LRRC9: variants seen among roughly 807,000 people sequenced by gnomAD.
LRRC9 encodes leucine rich repeat containing 9.
LRRC9 carries 122 observed loss-of-function variants against 63.2 expected under a neutral mutation model. The ratio of observed to expected loss-of-function variants is 1.93; its 90% confidence interval spans 1.67 to 2.24. The LOEUF is 2.24. LRRC9 is among the 30% of genes most tolerant of loss of function. LRRC9 has a pLI of 0.00. For missense variants in LRRC9, 1,071 were observed against 627.7 expected (o/e 1.71, Z -7.55); for synonymous variants, 366 against 213.1 (o/e 1.72, Z -6.25).
At chr14:59,995,704 T>C (rs1316233433) in intron 17 of LRRC9, among the ~76,000 whole-genome samples, 1 of 150,100 alleles carries the variant, frequency 6.7e-6, no homozygotes, top group Non-Finnish European at 1.5e-5. Context: ...CCCCCTGTTT[T>C]CAAGGGGTGG....
At chr14:60,002,376 G>T (rs145776835) in intron 20 of LRRC9, among the ~76,000 whole-genome samples, 1 of 152,230 alleles carries the variant, frequency 6.6e-6, no homozygotes, top group African/African-American at 2.4e-5. Context: ...TATTCGTCTT[G>T]CATAACTGAA....
At chr14:59,999,486 C>T (rs1714041060) in intron 19 of LRRC9, among the ~76,000 whole-genome samples, 1 of 152,078 alleles carries the variant, frequency 6.6e-6, no homozygotes, top group African/African-American at 2.4e-5. Context: ...TTACCAGTCA[C>T]CTGAACTCAC....
rs547808916 is a variant in LRRC9, at chr14:60,017,643, G to C, written c.3318-728G>C. Reference sequence around the variant, plus strand: ...TTTCCAAACACATCCGCTGCACTTAGGAAATACTAATGGAAATATGTTGAC... The same window carrying C: ...TTTCCAAACACATCCGCTGCACTTACGAAATACTAATGGAAATATGTTGAC... On this transcript the variant is annotated intron_variant, in intron 24 of 31. Coordinates refer to ENST00000445360, the Ensembl canonical transcript of LRRC9. The surrounding 1 kb of genome is among the most constrained non-coding windows in gnomAD (Gnocchi z 4.0). 2.0e-5 allele frequency among the ~76,000 whole-genome samples: 3 copies of C among 151,982 alleles called. No homozygotes were observed. The highest frequency in any genetic ancestry group is 4.4e-5 in the Non-Finnish European group (3 of 67,962).
intron 22 of LRRC9, 136 bp downstream of exon 22, chr14:60,006,753 T>C (rs1889839486): frequency 5.6e-6 from 3 of 536,712 alleles, no homozygotes; most frequent in South Asian, 5.4e-5. Flanking sequence ...TTTATTAAAA[T>C]GTATTTGCAT....
intron 17 of LRRC9, among the ~76,000 whole-genome samples, chr14:59,995,846 G>A (rs751269465): frequency 6.6e-6 from 1 of 152,038 alleles, no homozygotes; most frequent in African/African-American, 2.4e-5. Context: ...GGGTTCAAGC[G>A]ATTCTTCTGC....
intron 19 of LRRC9, among the ~76,000 whole-genome samples, chr14:60,001,010 A>G (rs1889309699): frequency 6.6e-6 from 1 of 152,184 alleles, no homozygotes; most frequent in Non-Finnish European, 1.5e-5. Flanking sequence ...ATTCAAGAAA[A>G]TGAACATTAA....
chr14:59,946,254 T>C (rs1281079950), intron 8 of LRRC9, among the ~76,000 whole-genome samples: 3 of 151,010 alleles, frequency 2.0e-5, no homozygotes, highest in Non-Finnish European at 4.4e-5. Flanking sequence ...GCAGTTCTTA[T>C]TATAATTAGA....
chr14:59,975,116 T>TAC (rs1346003126), intron 13 of LRRC9, among the ~76,000 whole-genome samples: 1,051 of 17,928 alleles, frequency 0.059, 166 homozygotes, highest in African/African-American at 0.084. Flanking sequence ...TATATATGTA[T>TAC]ATATATATAT....
rs1341714505 is a variant in LRRC9, at chr14:59,986,324, C to T, written c.2211+1100C>T. Among the ~76,000 whole-genome samples the T allele has an allele frequency of 6.6e-6, 1 of 152,224 alleles. No homozygotes were observed. The highest frequency in any genetic ancestry group is 6.5e-5 in the Admixed American group (1 of 15,284). The stretch of plus-strand genomic sequence containing the variant: ...CACTTATCTCTTCAGAATATATCAT[C>T]ATTTTCAGCTCTTATTCATTCTTTA... On this transcript the variant is annotated intron_variant, in intron 17 of 31. Transcript: ENST00000445360. The surrounding 1 kb of genome is among the most constrained non-coding windows in gnomAD (Gnocchi z 4.7).
chr14:60,061,198 C>T (rs1186381009), intron 31 of LRRC9, among the ~76,000 whole-genome samples: 1 of 152,174 alleles, frequency 6.6e-6, no homozygotes, highest in East Asian at 1.9e-4. Flanking sequence ...TTTGAAAGAA[C>T]TACTGTGGGG....
intron 17 of LRRC9, among the ~76,000 whole-genome samples, chr14:59,994,727 T>C (rs1888553800): frequency 6.6e-6 from 1 of 152,194 alleles, no homozygotes; most frequent in Non-Finnish European, 1.5e-5. Flanking sequence ...TGGATGAAGC[T>C]GGAAACCATC....
downstream of LRRC9, among the ~76,000 whole-genome samples, chr14:60,065,429 C>T (rs1894861114): frequency 6.6e-6 from 1 of 151,370 alleles, no homozygotes; most frequent in Non-Finnish European, 1.5e-5. Flanking sequence ...GGGCAGATCA[C>T]CTGAGGTCAG....
rs1887479828 is a variant in LRRC9, at chr14:59,986,426, T to C, written c.2211+1202T>C. 6.6e-6 allele frequency among the ~76,000 whole-genome samples: 1 copy of C among 152,214 alleles called. No individual in the cohort carries two copies. The highest frequency in any genetic ancestry group is 1.5e-5 in the Non-Finnish European group (1 of 68,024). On this transcript the variant is annotated intron_variant, in intron 17 of 31. Transcript: ENST00000445360. This position sits in a 1 kb window ranked among gnomAD's most constrained non-coding sequence, Gnocchi z 4.7. ...TGTAATGGGAGCTGTTTCTTTTACT[T>C]ATTGGCATTAGGTTTAGATTTAGTG...
At chr14:59,926,744 A>G (rs1332338120) in intron 1 of LRRC9, among the ~76,000 whole-genome samples, 1 of 152,098 alleles carries the variant, frequency 6.6e-6, no homozygotes, top group African/African-American at 2.4e-5. Flanking sequence ...TTTGTTCAAC[A>G]TTTGTTTACG....
In LRRC9 at chr14:59,928,347, GGTATCCTC is replaced by G; in HGVS notation, c.133_140del (p.Pro45SerfsTer8). On this transcript the variant is annotated frameshift_variant, in exon 3 of 32. Coordinates refer to ENST00000445360, the Ensembl canonical transcript of LRRC9. LOFTEE classifies it high-confidence loss of function. ...TCAAAGTTGGAGATGTTTTTCTTAG[GGTATCCTC>G]GTATAGTTGGATTATCATTATTTCC... 2.9e-6 allele frequency: 2 copies of G among 685,454 alleles called. No homozygotes were observed. The highest frequency in any genetic ancestry group is 5.3e-6 in the Non-Finnish European group (2 of 378,508). 42.5% of individuals were successfully genotyped at this position (685,454 alleles called of 1,614,324 possible).
intron 25 of LRRC9, among the ~76,000 whole-genome samples, 163 bp from the exon 26 acceptor site, chr14:60,018,958 A>G (rs566326081): frequency 1.3e-5 from 2 of 152,108 alleles, no homozygotes; most frequent in Non-Finnish European, 2.9e-5. Context: ...CCAGAATGTC[A>G]GATTAAAAAC....
intron 19 of LRRC9, among the ~76,000 whole-genome samples, chr14:60,001,547 G>A (rs188631852): frequency 6.6e-5 from 10 of 152,174 alleles, no homozygotes; most frequent in Admixed American, 5.9e-4. Context: ...TATGGACACA[G>A]ACATAGGACT....
At chr14:59,955,645 A>C (rs769114434) in intron 8 of LRRC9, among the ~76,000 whole-genome samples, 1 of 152,030 alleles carries the variant, frequency 6.6e-6, no homozygotes, top group Non-Finnish European at 1.5e-5. Flanking sequence ...TACCTCCTTC[A>C]GTTCTGCTCT....
intron 17 of LRRC9, among the ~76,000 whole-genome samples, chr14:59,991,528 C>T (rs1331452197): frequency 6.6e-6 from 1 of 152,058 alleles, no homozygotes; most frequent in African/African-American, 2.4e-5. Context: ...CATTGCCTCA[C>T]CCAGGAAGTG....
Sources: allele counts gnomAD v4.1 joint callset (sites outside exome capture counted in the v4.1 genomes callset), GRCh38; gene constraint gnomAD v4.1.1; non-coding constraint Gnocchi (gnomAD v3.1); transcripts MANE v1.5; gene names NCBI Gene and HGNC (gene_info 2026-07-23, HGNC 2026-07-21).